The following ADGRF5 variants were observed in gnomAD, a reference collection of about 807,000 sequenced individuals.
ADGRF5 encodes the protein G-protein coupled receptor 116.
In ADGRF5, 75 loss-of-function variants were observed where a neutral mutation model predicts 132.3. That is an observed-to-expected ratio of 0.57 (90% CI 0.47 to 0.69). ADGRF5 has a LOEUF of 0.69. Ranked by LOEUF, ADGRF5 falls within the 30% of genes least tolerant of loss-of-function variation. The pLI is 0.00. For synonymous variants in ADGRF5, 629 were observed against 597.6 expected, an observed-to-expected ratio of 1.05 and a Z score of -0.77; for missense variants, 1,516 against 1,630.6, an observed-to-expected ratio of 0.93 and a Z score of 1.21.
chr6:46,871,759 T>C (rs756796354), intron 11 of ADGRF5, 84 bp downstream of exon 11: 4 of 944,892 alleles, frequency 4.2e-6, no homozygotes, highest in African/African-American at 1.6e-5. Context: ...TGCTCATAGA[T>C]ATTTCCATAG....
intron 1 of ADGRF5, chr6:46,907,859 C>T (rs529884966): frequency 6.6e-6 from 1 of 152,290 alleles, no homozygotes; most frequent in South Asian, 2.1e-4. Flanking sequence ...TCCCCTAATT[C>T]TCTCACAGAG....
intron 2 of ADGRF5, among the ~76,000 whole-genome samples, chr6:46,902,514 G>A (rs972993944): frequency 6.6e-6 from 1 of 152,188 alleles, no homozygotes; most frequent in Non-Finnish European, 1.5e-5. Flanking sequence ...GTAAGAATCA[G>A]GATCATTGGT....
At chr6:46,883,185 CG>C (rs1463077584) in intron 6 of ADGRF5, among the ~76,000 whole-genome samples, 2 of 152,170 alleles carry the variant, frequency 1.3e-5, no homozygotes, top group African/African-American at 4.8e-5. Flanking sequence ...TGCTCAGCCA[CG>C]GGTTGGTCTG....
At chr6:46,914,848 AT>A (rs537430751) in intron 1 of ADGRF5, among the ~76,000 whole-genome samples, 3 of 150,530 alleles carry the variant, frequency 2.0e-5, no homozygotes, top group Admixed American at 6.7e-5. Flanking sequence ...GTTTGTTTTT[AT>A]TTTTTTTGTT....
chr6:46,945,722 C>T (rs373035935), intron 1 of ADGRF5, among the ~76,000 whole-genome samples: 13 of 152,310 alleles, frequency 8.5e-5, no homozygotes, highest in African/African-American at 2.2e-4. Context: ...ATGTATTAGT[C>T]TGTTATCACG....
At chr6:46,887,046 C>T (rs1414957266) in intron 4 of ADGRF5, 2 of 152,028 alleles carry the variant, frequency 1.3e-5, no homozygotes, top group Admixed American at 1.3e-4. Flanking sequence ...CATCCCATCT[C>T]TAGTAGAAAA....
At chr6:46,928,226 A>T (rs1297775269) in intron 1 of ADGRF5, among the ~76,000 whole-genome samples, 1 of 152,252 alleles carries the variant, frequency 6.6e-6, no homozygotes, top group Admixed American at 6.5e-5. Flanking sequence ...GTGCCTGGGA[A>T]TTCCTAAGGA....
At chr6:46,918,067 T>C (rs1269978959) in intron 1 of ADGRF5, among the ~76,000 whole-genome samples, 2 of 152,258 alleles carry the variant, frequency 1.3e-5, no homozygotes, top group Non-Finnish European at 2.9e-5. Context: ...GGCTGTAATT[T>C]TAAAGATTTC....
At chr6:46,931,666 C>A (rs755842480) in intron 1 of ADGRF5, among the ~76,000 whole-genome samples, 1 of 152,238 alleles carries the variant, frequency 6.6e-6, no homozygotes, top group Non-Finnish European at 1.5e-5. Context: ...TGCTTTCTCC[C>A]AGGGTGACCT....
Position 46,869,003 on chromosome 6 carries a change from C to T in ADGRF5, c.1501G>A (p.Glu501Lys), listed in dbSNP as rs760712155. ...CCAGCAGAAGTGTTCCAATAAACCT[C>T]ATCATAGTTACTCACATCACTGATG... ...KCISDVSNYD[E>K]VYWNTSAGIK... is the part of the protein sequence containing the mutation. Residue 501 changes from glutamate (E) to lysine (K), a missense_variant, in exon 12 of 21, where the codon GAG becomes AAG. Glu to Lys is a moderately conservative substitution (Grantham distance 56, BLOSUM62 1). Coordinates refer to ENST00000283296, the MANE Select transcript of ADGRF5 (RefSeq NM_001098518.2). 3 of 1,613,090 alleles carry T rather than the reference C, an allele frequency of 1.9e-6. No individual in the cohort carries two copies. In the South Asian group the frequency reaches 3.3e-5, roughly 18 times the overall value.
intron 15 of ADGRF5, among the ~76,000 whole-genome samples, chr6:46,861,336 G>A (rs1016684152): frequency 6.6e-6 from 1 of 152,136 alleles, no homozygotes; most frequent in East Asian, 1.9e-4. Context: ...TTCTCCTTGT[G>A]TATTTATTAA....
At chr6:46,911,618 C>G (rs1423125860) in intron 1 of ADGRF5, among the ~76,000 whole-genome samples, 1 of 152,172 alleles carries the variant, frequency 6.6e-6, no homozygotes, top group African/African-American at 2.4e-5. Flanking sequence ...ATAGTCTCTA[C>G]TTCCCCTGAA....
intron 1 of ADGRF5, among the ~76,000 whole-genome samples, chr6:46,920,841 C>T (rs112729014): frequency 0.013 from 2,044 of 151,560 alleles, 36 homozygotes; most frequent in African/African-American, 0.036. Context: ...CCAACCTGGG[C>T]GACAGAGCAA....
rs1446905776 is a variant in ADGRF5 at position 46,853,722 on chromosome 6, A to G, written c.*270T>C. ...AAATTCTATATTACAATATAGACAG[A>G]GAAGTTGGGCCTTGAGGGCTTGAGT... On this transcript the variant is annotated 3_prime_UTR_variant, in exon 21 of 21. Transcript: ENST00000283296. 3.5e-6 allele frequency: 1 copy of G among 285,484 alleles called. No homozygotes were observed. The highest frequency in any genetic ancestry group is 2.3e-5 in the African/African-American group (1 of 43,544). 17.7% of individuals were successfully genotyped at this position (285,484 alleles called of 1,614,324 possible). A position where few individuals can be genotyped will look rare whatever the true frequency, so the allele number is the denominator to read the frequency against.
At chr6:46,895,542 G>A (rs145514147) in intron 3 of ADGRF5, among the ~76,000 whole-genome samples, 304 of 151,280 alleles carry the variant, frequency 2.0e-3, no homozygotes, top group African/African-American at 7.0e-3. Context: ...CAGGATTTCC[G>A]TGCTAGCAGC....
chr6:46,889,696 C>T (rs1773445469), intron 3 of ADGRF5, among the ~76,000 whole-genome samples: 1 of 146,810 alleles, frequency 6.8e-6, no homozygotes, highest in African/African-American at 2.5e-5. Flanking sequence ...TATATTTAGA[C>T]TGTCTAGTCT....
At position 46,939,665 on chromosome 6, in the gene ADGRF5, G is replaced by A. The variant is rs534029436; in HGVS notation, c.-25+15069C>T. On this transcript the variant is annotated intron_variant, in intron 1 of 20. Transcript: ENST00000265417. ...TGACTTTCACTAAAGGTTGAATTTT[G>A]TTTGTGAGGACATGGAATGGGGAGC... Among the ~76,000 whole-genome samples, 5 of 152,202 alleles carry A rather than the reference G, an allele frequency of 3.3e-5. No homozygotes were observed. In the South Asian group the frequency reaches 6.2e-4, roughly 19 times the overall value.
chr6:46,930,718 C>A (rs1345898378), intron 1 of ADGRF5, among the ~76,000 whole-genome samples: 2 of 152,200 alleles, frequency 1.3e-5, no homozygotes, highest in Non-Finnish European at 2.9e-5. Flanking sequence ...TCAGTCTTAG[C>A]AGTATCCTTG....
At chr6:46,855,808 T>G (rs1257927948) in intron 20 of ADGRF5, among the ~76,000 whole-genome samples, 166 bp downstream of exon 20, 1 of 152,230 alleles carries the variant, frequency 6.6e-6, no homozygotes, top group Non-Finnish European at 1.5e-5. Context: ...TGTACCCACT[T>G]TTTGGTGATT....
Sources: gnomAD v4.1 joint callset for allele counts (sites outside exome capture counted in the v4.1 genomes callset) on GRCh38, gnomAD v4.1.1 for gene constraint, MANE v1.5 for transcripts, NCBI Gene and HGNC (gene_info 2026-07-23, HGNC 2026-07-21) for gene names.